Variants in C1QTNF8 observed in about 807,000 individuals in gnomAD.
The protein encoded by C1QTNF8 is C1q and TNF related 8, also known as complement C1q tumor necrosis factor-related protein 8.
Under a neutral mutation model 19.2 loss-of-function variants are expected in C1QTNF8, and 27 were observed. The observed-to-expected ratio is 1.41, with a 90% CI of 1.04 to 1.94. The LOEUF (loss-of-function observed/expected upper bound fraction) is 1.94, where lower values mean the gene tolerates loss of function less well. C1QTNF8 is among the 30% of genes most tolerant of loss of function. The pLI is 0.00. For missense variants in C1QTNF8, 484 were observed against 374.4 expected, an observed-to-expected ratio of 1.29 and a Z score of -2.42; for synonymous variants, 208 against 172.8, an observed-to-expected ratio of 1.20 and a Z score of -1.60.
intron 3 of C1QTNF8, 64 bp from the exon 4 acceptor site, chr16:1,094,115 A>G: frequency 7.7e-7 from 1 of 1,300,628 alleles, no homozygotes; most frequent in Non-Finnish European, 9.9e-7. Flanking sequence ...CCATTCCAGC[A>G]CCCAGGCCAG....
intron 3 of C1QTNF8, 47 bp downstream of exon 3, chr16:1,094,668 G>C (rs372910614): frequency 3.9e-6 from 6 of 1,532,772 alleles, no homozygotes; most frequent in Admixed American, 1.8e-5. Flanking sequence ...CCTGTGGGCT[G>C]TTGGGTCCTG....
chr16:1,090,629 GC>G (rs2151564168), intron 4 of C1QTNF8, 35 bp from the exon 5 acceptor site: 1 of 152,406 alleles, frequency 6.6e-6, no homozygotes, highest in East Asian at 1.9e-4. Flanking sequence ...TGAGGGTGGG[GC>G]TGGGAGGTCC....
rs768136885 is a variant in C1QTNF8, at chr16:1,093,621, C to G, written c.639G>C (p.Ala213=). 4.2e-5 allele frequency: 68 copies of G among 1,607,158 alleles called. 1 individual carries two copies. In the African/African-American group the frequency reaches 6.9e-4, roughly 16 times the overall value. ...ACATGCGCACCCAGACGGCGTCGCC[C>G]GCCGCCAGCAGCAGCATCAGGCTCT... ...QAQSLMLLLA[A]GDAVWVRMFQ... is the part of the protein sequence containing the mutation. Residue 213 remains alanine, a synonymous_variant, in exon 4 of 5, where the codon GCG becomes GCC. Coordinates refer to ENST00000328449, the MANE Select transcript of C1QTNF8 (RefSeq NM_207419.3).
rs143493685 is a variant in C1QTNF8, at chr16:1,095,192, C to T, written c.-11-259G>A. On this transcript the variant is annotated intron_variant, in intron 2 of 4. Coordinates refer to ENST00000328449, the MANE Select transcript of C1QTNF8 (RefSeq NM_207419.3). Reference sequence around the variant, plus strand: ...TCCCCAAAGCTGGGGCCCCCACACCCGGCAGATGGTGGGGAAGCCGTTGTG... The same window carrying T: ...TCCCCAAAGCTGGGGCCCCCACACCTGGCAGATGGTGGGGAAGCCGTTGTG... 4.6e-5 allele frequency among the ~76,000 whole-genome samples: 7 copies of T among 152,320 alleles called. No individual in the cohort carries two copies. In the East Asian group the frequency reaches 9.7e-4, roughly 21 times the overall value.
At chr16:1,094,115 AC>A (rs1960635242) in intron 3 of C1QTNF8, 64 bp from the exon 4 acceptor site, 11 of 1,300,628 alleles carry the variant, frequency 8.5e-6, no homozygotes, top group Non-Finnish European at 7.9e-6. Flanking sequence ...CCATTCCAGC[AC>A]CCAGGCCAGG....
Position 1,093,629 on chromosome 16 carries a change from G to C in C1QTNF8, c.631C>G (p.Leu211Val). Residue 211 changes from leucine to valine, a missense_variant, in exon 4 of 5, where the codon CTG becomes GTG. Leu to Val is a conservative substitution (Grantham distance 32). Coordinates refer to ENST00000328449, the MANE Select transcript of C1QTNF8 (RefSeq NM_207419.3). ...VMQAQSLMLL[L>V]AAGDAVWVRM... ...ACCCAGACGGCGTCGCCCGCCGCCA[G>C]CAGCAGCATCAGGCTCTGGGCCTGC... is the stretch of plus-strand genomic sequence containing the variant. 1 of 1,608,626 alleles carries C rather than the reference G, an allele frequency of 6.2e-7. No homozygotes were observed. Among genetic ancestry groups the C allele is most frequent in the Non-Finnish European group, 8.5e-7 (1 of 1,177,688 alleles).
At chr16:1,095,077 C>T (rs984724611) in intron 2 of C1QTNF8, 144 bp from the exon 3 acceptor site, 5 of 413,230 alleles carry the variant, frequency 1.2e-5, no homozygotes, top group African/African-American at 2.0e-5. Context: ...CGGTCCTGGC[C>T]CAGTGGGTGA....
intron 3 of C1QTNF8, among the ~76,000 whole-genome samples, chr16:1,094,299 G>C (rs932349053): frequency 3.3e-5 from 5 of 152,214 alleles, no homozygotes; most frequent in Non-Finnish European, 5.9e-5. Context: ...TGGGTGGTCA[G>C]GGCCAGCTAC....
At chr16:1,092,237 A>G (rs113947237) in intron 4 of C1QTNF8, among the ~76,000 whole-genome samples, 15 of 152,324 alleles carry the variant, frequency 9.8e-5, no homozygotes, top group African/African-American at 3.4e-4. Context: ...AGCACTCCAC[A>G]TGGCCCAGTC....
chr16:1,093,705 G>A lies in C1QTNF8; in HGVS notation c.555C>T (p.Asn185=). 1.2e-6 allele frequency: 2 copies of A among 1,612,190 alleles called. No individual in the cohort carries two copies. Among genetic ancestry groups the A allele is most frequent in the Non-Finnish European group, 1.7e-6 (2 of 1,179,626 alleles). The change falls in exon 4 of 5, where the codon AAC becomes AAT. Residue 185 remains asparagine (N), a synonymous_variant. Transcript: ENST00000328449. ...CGTAGAGCACGGCCGCGGGCCGCCGGTTCAGCATGATGTGCAGGTAGGTCT... is the reference window on the plus strand; with the variant it reads ...CGTAGAGCACGGCCGCGGGCCGCCGATTCAGCATGATGTGCAGGTAGGTCT... ...YKETYLHIML[N]RRPAAVLYAQ... is the part of the protein sequence containing the mutation.
intron 4 of C1QTNF8, 97 bp downstream of exon 4, chr16:1,093,400 C>CA: frequency 1.7e-6 from 1 of 604,294 alleles, no homozygotes; most frequent in Non-Finnish European, 2.6e-6. Context: ...CCACACCCAC[C>CA]CACACACACA....
At position 1,090,588 on chromosome 16, in the gene C1QTNF8, C is replaced by G. The variant is rs936702809; in HGVS notation, c.*11G>C. The G allele has an allele frequency of 6.6e-6, 1 of 152,318 alleles. No individual in the cohort carries two copies. The highest frequency in any genetic ancestry group is 2.4e-5 in the African/African-American group (1 of 41,434). The allele number at this position is 152,318 out of a possible 1,614,324, so 9.4% of individuals were successfully genotyped here. ...GGCTCCCAGAGTCCCCACAGGCGGA[C>G]GTCTGTCTGTAAGGAGGGGACGGCA... On this transcript the variant is annotated 3_prime_UTR_variant, in exon 5 of 5. Transcript: ENST00000328449.
rs1307661541 is a variant in C1QTNF8, at chr16:1,089,028, C to T, written c.*1571G>A. On this transcript the variant is annotated 3_prime_UTR_variant, in exon 5 of 5. Transcript: ENST00000328449. ...CCGGGACTCTCTTCCTCAGGACCAC[C>T]TGCCACCCTGGCAGCACAGGCTCAC... 4.6e-5 allele frequency among the ~76,000 whole-genome samples: 7 copies of T among 152,210 alleles called. No individual in the cohort carries two copies. The highest frequency in any genetic ancestry group is 1.7e-4 in the African/African-American group (7 of 41,440).
rs1960673119 is a variant in C1QTNF8, at chr16:1,095,758, G to A, written c.-155C>T. The stretch of plus-strand genomic sequence containing the variant: ...GGCTGCCTCCTTCAGGAAGCCCTCT[G>A]GGATTGTAGCACAGGGCAAGGTCCT... On this transcript the variant is annotated 5_prime_UTR_variant, in exon 2 of 5. An upstream open reading frame in the 5' UTR gains an earlier in-frame stop. Coordinates refer to ENST00000328449, the MANE Select transcript of C1QTNF8 (RefSeq NM_207419.3). 6.6e-6 allele frequency: 1 copy of A among 152,278 alleles called. No homozygotes were observed. The highest frequency in any genetic ancestry group is 1.5e-5 in the Non-Finnish European group (1 of 68,084). 9.4% of individuals were successfully genotyped at this position (152,278 alleles called of 1,614,324 possible).
At chr16:1,095,381 G>A (rs1002529487) in intron 2 of C1QTNF8, among the ~76,000 whole-genome samples, 13 of 152,322 alleles carry the variant, frequency 8.5e-5, no homozygotes, top group African/African-American at 2.6e-4. Flanking sequence ...ACAGTGCACA[G>A]AGGCACCGTC....
intron 2 of C1QTNF8, 130 bp from the exon 3 acceptor site, chr16:1,095,063 C>T (rs564748530): frequency 4.4e-5 from 19 of 428,740 alleles, no homozygotes; most frequent in South Asian, 1.9e-4. Context: ...TGCCTGGGCA[C>T]GGACGGTCCT....
At position 1,088,718 on chromosome 16, in the gene C1QTNF8, C is replaced by T. The variant is rs888275148; in HGVS notation, c.*1881G>A. On this transcript the variant is annotated 3_prime_UTR_variant, in exon 5 of 5. Coordinates refer to ENST00000328449, the MANE Select transcript of C1QTNF8 (RefSeq NM_207419.3). ...ACCCCGGTTCTCTGAGAACCAGGGT[C>T]GCCACTGGCATTCATTAGACACCCC... Among the ~76,000 whole-genome samples the T allele has an allele frequency of 1.3e-5, 2 of 152,190 alleles. No homozygotes were observed. The highest frequency in any genetic ancestry group is 2.4e-5 in the African/African-American group (1 of 41,456).
rs536894059 is a variant in C1QTNF8, at chr16:1,094,866, G to A, written c.57C>T (p.Pro19=). 1.1e-5 allele frequency: 16 copies of A among 1,405,898 alleles called. No individual in the cohort carries two copies. Among genetic ancestry groups the A allele is most frequent in the African/African-American group, 7.5e-5 (5 of 67,034 alleles). 87.1% of individuals were successfully genotyped at this position (1,405,898 alleles called of 1,614,324 possible). The part of the protein sequence containing the change: ...LALLLPVGAW[P]GLPRRPCVHC... The stretch of plus-strand genomic sequence containing the variant: ...GCACACAGGGCCTCCTGGGCAGCCC[G>A]GGCCAGGCCCCCACGGGCAGCAGCA... The change falls in exon 3 of 5, where the codon CCC becomes CCT. Residue 19 remains proline (P), a synonymous_variant. Coordinates refer to ENST00000328449, the MANE Select transcript of C1QTNF8 (RefSeq NM_207419.3).
Position 1,088,776 on chromosome 16 carries a change from C to T in C1QTNF8, c.*1823G>A, listed in dbSNP as rs1289435306. Among the ~76,000 whole-genome samples, 2 of 148,122 alleles carry T rather than the reference C, an allele frequency of 1.4e-5. No homozygotes were observed. The highest frequency in any genetic ancestry group is 2.9e-5 in the Non-Finnish European group (2 of 67,962). On this transcript the variant is annotated 3_prime_UTR_variant, in exon 5 of 5. Transcript: ENST00000328449. ...TTCCAAGAGACCTTGCACCCCTGCCCGCCTGACCCCTGCTGCAGCCCGACC... is the reference window on the plus strand; with the variant it reads ...TTCCAAGAGACCTTGCACCCCTGCCTGCCTGACCCCTGCTGCAGCCCGACC...
Sources: allele counts gnomAD v4.1 joint callset (sites outside exome capture counted in the v4.1 genomes callset), GRCh38; gene constraint gnomAD v4.1.1; transcripts MANE v1.5; gene names NCBI Gene and HGNC (gene_info 2026-07-23, HGNC 2026-07-21).